The following STK39 variants were observed in gnomAD, a reference collection of about 807,000 sequenced individuals.
STK39 encodes the protein STE20/SPS1-related proline-alanine-rich protein kinase.
Under a neutral mutation model 77.8 loss-of-function variants are expected in STK39, and 20 were observed. The observed-to-expected ratio is 0.26, with a 90% CI of 0.18 to 0.37. STK39 has a LOEUF of 0.37. STK39 is among the 10% of genes least tolerant of loss of function. The probability of loss-of-function intolerance (pLI) is 1.00; values close to 1 mark genes in which losing one functional copy is unlikely to be tolerated. For missense variants in STK39, 479 were observed against 656.5 expected, an observed-to-expected ratio of 0.73 and a Z score of 2.95; for synonymous variants, 246 against 234.1, an observed-to-expected ratio of 1.05 and a Z score of -0.47.
intron 5 of STK39, among the ~76,000 whole-genome samples, chr2:168,152,365 G>C (rs1257288800): frequency 6.6e-6 from 1 of 152,190 alleles, no homozygotes; most frequent in African/African-American, 2.4e-5. Flanking sequence ...CTTCAAAACA[G>C]TACTGAGAAT....
chr2:168,241,886 G>C (rs1403602449), intron 1 of STK39, among the ~76,000 whole-genome samples: 1 of 152,204 alleles, frequency 6.6e-6, no homozygotes, highest in Non-Finnish European at 1.5e-5. Context: ...ACTGAGTGCA[G>C]ACACATCTAA....
intron 1 of STK39, among the ~76,000 whole-genome samples, chr2:168,241,219 G>A (rs965096840): frequency 1.3e-4 from 20 of 152,256 alleles, no homozygotes; most frequent in Admixed American, 2.6e-4. Flanking sequence ...GAAAGAAGGA[G>A]ACAGGGAAGC....
intron 15 of STK39, among the ~76,000 whole-genome samples, chr2:168,013,308 G>A (rs1409997642): frequency 6.6e-6 from 1 of 152,212 alleles, no homozygotes; most frequent in Non-Finnish European, 1.5e-5. Context: ...AATGATAAGT[G>A]ACAGGAGTTC....
At chr2:168,134,892 A>G (rs992634700) in intron 8 of STK39, among the ~76,000 whole-genome samples, 1 of 152,232 alleles carries the variant, frequency 6.6e-6, no homozygotes, top group Non-Finnish European at 1.5e-5. Flanking sequence ...TTCAGGTTAC[A>G]GGTAGATGAT....
At chr2:168,130,213 G>C (rs1387380286) in intron 8 of STK39, among the ~76,000 whole-genome samples, 1 of 152,190 alleles carries the variant, frequency 6.6e-6, no homozygotes, top group African/African-American at 2.4e-5. Context: ...TCCACGCTCT[G>C]TTTGCCTGCT....
intron 10 of STK39, among the ~76,000 whole-genome samples, chr2:168,121,956 T>C (rs1029987871): frequency 1.3e-5 from 2 of 152,202 alleles, no homozygotes; most frequent in African/African-American, 4.8e-5. Context: ...AGACCAGGCA[T>C]AGAGACTGGG....
At chr2:168,082,697 G>A (rs1686267315) in intron 10 of STK39, among the ~76,000 whole-genome samples, 1 of 152,192 alleles carries the variant, frequency 6.6e-6, no homozygotes, top group Admixed American at 6.5e-5. Flanking sequence ...TGCCCTGAGT[G>A]AACACACCTT....
intron 1 of STK39, among the ~76,000 whole-genome samples, chr2:168,192,946 C>A (rs916118622): frequency 1.3e-5 from 2 of 152,158 alleles, no homozygotes; most frequent in East Asian, 3.9e-4. Flanking sequence ...CTCTTCAAAT[C>A]CCACTCCTGA....
intron 10 of STK39, among the ~76,000 whole-genome samples, chr2:168,076,107 T>C (rs929686559): frequency 6.6e-6 from 1 of 152,218 alleles, no homozygotes; most frequent in African/African-American, 2.4e-5. Flanking sequence ...CTGTAGCAGA[T>C]GAACATGATG....
intron 16 of STK39, among the ~76,000 whole-genome samples, chr2:167,992,208 A>G (rs1301299527): frequency 5.3e-5 from 8 of 152,094 alleles, no homozygotes; most frequent in Non-Finnish European, 1.2e-4. Flanking sequence ...TTGTTTTCAG[A>G]TCTTTGGATT....
intron 16 of STK39, among the ~76,000 whole-genome samples, chr2:168,009,502 T>C (rs16854524): frequency 0.063 from 9,580 of 152,278 alleles, 1,047 homozygotes; most frequent in African/African-American, 0.21. Flanking sequence ...AGTGTCAACA[T>C]TGGGGAGTCA....
chr2:168,213,689 TAAA>T (rs10706908), intron 1 of STK39, among the ~76,000 whole-genome samples: 8 of 124,216 alleles, frequency 6.4e-5, no homozygotes, highest in East Asian at 4.7e-4. Context: ...CAGCCATATT[TAAA>T]AAAAAAAAAA....
intron 2 of STK39, among the ~76,000 whole-genome samples, chr2:168,169,208 T>C (rs1276490026): frequency 6.6e-6 from 1 of 152,186 alleles, no homozygotes; most frequent in Non-Finnish European, 1.5e-5. Flanking sequence ...TTTCCATCTG[T>C]TTCCGGTATT....
chr2:168,020,024 C>G (rs927636309), intron 14 of STK39, among the ~76,000 whole-genome samples: 1 of 152,022 alleles, frequency 6.6e-6, no homozygotes, highest in African/African-American at 2.4e-5. Context: ...AATAAACTAC[C>G]AACGTCACCA....
chr2:168,138,327 A>G, intron 7 of STK39, 106 bp from the exon 8 acceptor site: 1 of 1,407,582 alleles, frequency 7.1e-7, no homozygotes, highest in Non-Finnish European at 9.4e-7. Context: ...ATTAGATACA[A>G]AGTGCTTTCC....
chr2:168,013,000 A>C (rs1054222883), intron 15 of STK39, among the ~76,000 whole-genome samples: 1 of 152,236 alleles, frequency 6.6e-6, no homozygotes, highest in African/African-American at 2.4e-5. Flanking sequence ...CACCTCCAGA[A>C]GTTATAACTG....
chr2:167,975,554 G>A (rs1277324610), intron 16 of STK39, among the ~76,000 whole-genome samples: 6 of 152,286 alleles, frequency 3.9e-5, no homozygotes, highest in Middle Eastern at 6.8e-3. Context: ...GGTGGCTCAC[G>A]CCTGTAATCC....
At chr2:168,177,454 T>C (rs150058337) in intron 2 of STK39, among the ~76,000 whole-genome samples, 199 of 152,276 alleles carry the variant, frequency 1.3e-3, no homozygotes, top group Non-Finnish European at 2.1e-3. Context: ...GAAAGGGATC[T>C]ATTTAAAGTC....
chr2:168,230,226 T>C (rs1319724178), intron 1 of STK39, among the ~76,000 whole-genome samples: 1 of 152,174 alleles, frequency 6.6e-6, no homozygotes, highest in Non-Finnish European at 1.5e-5. Flanking sequence ...GAAAAATCTA[T>C]CTCCTTTCCC....
Sources: allele counts gnomAD v4.1 joint callset (sites outside exome capture counted in the v4.1 genomes callset), GRCh38; gene constraint gnomAD v4.1.1; transcripts MANE v1.5; gene names NCBI Gene and HGNC (gene_info 2026-07-23, HGNC 2026-07-21).